The following WDR37 variants were observed in gnomAD, a reference collection of about 807,000 sequenced individuals.
WDR37 encodes WD repeat domain 37.
Under a neutral mutation model 62.9 loss-of-function variants are expected in WDR37, and 19 were observed. The observed-to-expected ratio is 0.30, with a 90% confidence interval of 0.21 to 0.44. The LOEUF is 0.44. Ranked by LOEUF, WDR37 falls within the 20% of genes least tolerant of loss-of-function variation. The probability of loss-of-function intolerance (pLI) is 1.00; values close to 1 mark genes in which losing one functional copy is unlikely to be tolerated. For missense variants in WDR37, 474 were observed against 657.6 expected (o/e 0.72, Z 3.05); for synonymous variants, 250 against 260.9 (o/e 0.96, Z 0.40).
chr10:1,057,733 G>C (rs550188687), intron 1 of WDR37, among the ~76,000 whole-genome samples: 1 of 152,174 alleles, frequency 6.6e-6, no homozygotes, highest in Non-Finnish European at 1.5e-5. Context: ...GGTCTGCCAG[G>C]TTTTTAGAGA....
chr10:1,124,455 G>A (rs1835677276), intron 12 of WDR37, 103 bp downstream of exon 12: 1 of 1,512,596 alleles, frequency 6.6e-7, no homozygotes, highest in Non-Finnish European at 9.0e-7. Context: ...AGAACCCCGG[G>A]AACAATGGTT....
chr10:1,107,414 C>T (rs1835059896), intron 11 of WDR37, among the ~76,000 whole-genome samples: 1 of 152,254 alleles, frequency 6.6e-6, no homozygotes, highest in Admixed American at 6.5e-5. Flanking sequence ...CACTCCTGCG[C>T]CTGCAGTGCT....
At chr10:1,096,436 G>A (rs1472451643) in intron 9 of WDR37, 190 bp downstream of exon 9, 17 of 620,906 alleles carry the variant, frequency 2.7e-5, no homozygotes, top group Admixed American at 5.2e-5. Flanking sequence ...GTGAGGTTGC[G>A]TGAGGTCCTC....
intron 13 of WDR37, among the ~76,000 whole-genome samples, chr10:1,126,222 G>A (rs180737662): frequency 9.9e-5 from 15 of 152,094 alleles, no homozygotes; most frequent in East Asian, 3.9e-4. Context: ...TGACTAACAC[G>A]GTGAAACCCT....
chr10:1,084,644 C>G (rs1297263791), intron 6 of WDR37, 106 bp downstream of exon 6: 6 of 1,506,234 alleles, frequency 4.0e-6, no homozygotes, highest in Non-Finnish European at 5.4e-6. Context: ...GATGCAAAAG[C>G]GTCATGGAGG....
At chr10:1,128,058 C>G (rs996011264) in intron 13 of WDR37, among the ~76,000 whole-genome samples, 2 of 152,162 alleles carry the variant, frequency 1.3e-5, no homozygotes, top group Admixed American at 6.5e-5. Flanking sequence ...TTTTGTAACC[C>G]TTTGTTATGT....
intron 3 of WDR37, among the ~76,000 whole-genome samples, chr10:1,079,051 C>G (rs1833952892): frequency 6.6e-6 from 1 of 151,592 alleles, no homozygotes; most frequent in South Asian, 2.1e-4. Flanking sequence ...AAGAGTCCAC[C>G]TTTACAATTC....
chr10:1,106,125 C>T (rs911539617), intron 11 of WDR37, among the ~76,000 whole-genome samples: 18 of 152,098 alleles, frequency 1.2e-4, no homozygotes, highest in Admixed American at 6.5e-5. Flanking sequence ...TTTCCGTGAC[C>T]GTCTCCTTCC....
intron 5 of WDR37, among the ~76,000 whole-genome samples, chr10:1,082,721 C>T (rs1834066743): frequency 6.6e-6 from 1 of 150,738 alleles, no homozygotes; most frequent in South Asian, 2.1e-4. Context: ...TTGGAAGCAA[C>T]ACATGAGAAA....
At chr10:1,086,068 G>A (rs1000802387) in intron 6 of WDR37, among the ~76,000 whole-genome samples, 2 of 152,216 alleles carry the variant, frequency 1.3e-5, no homozygotes, top group Non-Finnish European at 1.5e-5. Flanking sequence ...CTGGTTGTCC[G>A]TTAGCTGACT....
intron 9 of WDR37, among the ~76,000 whole-genome samples, chr10:1,102,394 TATA>T (rs1834853191): frequency 6.6e-6 from 1 of 150,638 alleles, no homozygotes; most frequent in Non-Finnish European, 1.5e-5. Flanking sequence ...CTTGCATTGC[TATA>T]AAAAATACTT....
rs1346318831 is a variant in WDR37, at chr10:1,056,425, G to C, written c.-584G>C. The C allele has an allele frequency of 1.3e-5, 2 of 152,290 alleles. No individual in the cohort carries two copies. Among genetic ancestry groups the C allele is most frequent in the East Asian group, 3.9e-4 (2 of 5,178 alleles). The allele number at this position is 152,290 out of a possible 1,614,324, so 9.4% of individuals were successfully genotyped here. ...AACACTGACCGCGCCGTCCCCGCCAGGCTCCCGCGCGGCCGGCACCGCGGC... is the reference window on the plus strand; with the variant it reads ...AACACTGACCGCGCCGTCCCCGCCACGCTCCCGCGCGGCCGGCACCGCGGC... On this transcript the variant is annotated 5_prime_UTR_variant, in exon 1 of 14. Transcript: ENST00000263150.
intron 1 of WDR37, among the ~76,000 whole-genome samples, chr10:1,070,414 G>A (rs1439035050): frequency 6.6e-6 from 1 of 152,050 alleles, no homozygotes; most frequent in Non-Finnish European, 1.5e-5. Context: ...GTTCTGCATA[G>A]TATGTAAGAA....
intron 7 of WDR37, 46 bp downstream of exon 7, chr10:1,086,403 T>G: frequency 6.7e-7 from 1 of 1,503,268 alleles, no homozygotes; most frequent in East Asian, 2.3e-5. Flanking sequence ...CGTTGCCTTC[T>G]CCAGTGTGTT....
chr10:1,080,564 G>A, intron 5 of WDR37, 88 bp downstream of exon 5: 1 of 1,423,820 alleles, frequency 7.0e-7, no homozygotes, highest in South Asian at 1.2e-5. Context: ...CAATTAGAAA[G>A]GCATAGCAGA....
intron 9 of WDR37, among the ~76,000 whole-genome samples, chr10:1,097,075 T>C (rs1834609653): frequency 6.6e-6 from 1 of 152,118 alleles, no homozygotes. Context: ...GAATGAAATG[T>C]TAAAGGTGCA....
At chr10:1,122,245 TGAC>T (rs1322217561) in intron 11 of WDR37, among the ~76,000 whole-genome samples, 1 of 152,158 alleles carries the variant, frequency 6.6e-6, no homozygotes, top group African/African-American at 2.4e-5. Context: ...TAGTGATTTG[TGAC>T]GACAAGAGGA....
Position 1,125,412 on chromosome 10 carries a change from G to C in WDR37, c.1353+388G>C, listed in dbSNP as rs143017085. On this transcript the variant is annotated intron_variant, in intron 13 of 13. Coordinates refer to ENST00000263150, the MANE Select transcript of WDR37 (RefSeq NM_014023.4). ...CTAATTTTGTTAGTCAGGCTGGTTA[G>C]TTAGTCAGGCTGGTCTTGAACTCCT... Among the ~76,000 whole-genome samples the C allele has an allele frequency of 3.9e-4, 60 of 152,276 alleles. No individual in the cohort carries two copies. In the East Asian group the frequency reaches 0.01, roughly 26 times the overall value.
intron 1 of WDR37, among the ~76,000 whole-genome samples, chr10:1,070,004 G>A (rs902831742): frequency 3.9e-5 from 6 of 151,936 alleles, no homozygotes; most frequent in South Asian, 2.1e-4. Context: ...TCAGGAGTTC[G>A]AGACCAACCT....
Sources: allele counts gnomAD v4.1 joint callset (sites outside exome capture counted in the v4.1 genomes callset), GRCh38; gene constraint gnomAD v4.1.1; transcripts MANE v1.5; gene names NCBI Gene and HGNC (gene_info 2026-07-23, HGNC 2026-07-21).